RECQL5: variants seen among roughly 807,000 people sequenced by gnomAD.
RECQL5 encodes the protein ATP-dependent DNA helicase Q5.
A neutral mutation model predicts 103.4 loss-of-function variants in RECQL5; 88 were observed. The observed-to-expected ratio is 0.85, with a 90% CI of 0.72 to 1.02. The LOEUF is 1.02. Among genes scored for constraint, RECQL5 ranks in the 50% least tolerant of loss-of-function variants. The pLI, the probability that RECQL5 is intolerant of heterozygous loss-of-function variation, is 0.00. For synonymous variants in RECQL5, 552 were observed against 507.9 expected (o/e 1.09, Z -1.17); for missense variants, 1,232 against 1,284.3 (o/e 0.96, Z 0.62).
At chr17:75,642,978 C>T (rs906381250) in intron 8 of RECQL5, among the ~76,000 whole-genome samples, 4 of 152,218 alleles carry the variant, frequency 2.6e-5, no homozygotes, top group South Asian at 4.1e-4. Context: ...TATCCTCCAT[C>T]GACCAACCCT....
chr17:75,629,355 C>T lies in RECQL5; in HGVS notation c.2068G>A (p.Glu690Lys), dbSNP rs769454042. The change falls in exon 16 of 20, where the codon GAG becomes AAG. Residue 690 changes from glutamate to lysine, a missense_variant. Glu to Lys is a moderately conservative substitution (Grantham distance 56, BLOSUM62 1). Transcript: ENST00000317905. ...EQAPQPERGGEHEPPSRPCGL... is the reference protein window; with the variant it reads ...EQAPQPERGGKHEPPSRPCGL... ...CAGGGCCGGCTCGGGGGCTCGTGCT[C>T]GCCTCCCCGCTCGGGCTGGGGGGCT... The T allele has an allele frequency of 1.2e-5, 18 of 1,513,240 alleles. No individual in the cohort carries two copies. In the East Asian group the frequency reaches 2.5e-4, roughly 21 times the overall value. The allele number at this position is 1,513,240 out of a possible 1,614,324, so 93.7% of individuals were successfully genotyped here.
chr17:75,660,100 T>C (rs1245099388), intron 6 of RECQL5, among the ~76,000 whole-genome samples: 1 of 152,118 alleles, frequency 6.6e-6, no homozygotes, highest in Non-Finnish European at 1.5e-5. Flanking sequence ...AGGGTCCTGG[T>C]CTGTTGCCCA....
chr17:75,645,736 T>C (rs2059481313), intron 8 of RECQL5, among the ~76,000 whole-genome samples: 1 of 152,124 alleles, frequency 6.6e-6, no homozygotes, highest in African/African-American at 2.4e-5. Flanking sequence ...GAACGACTGT[T>C]CTAAATCTGC....
chr17:75,633,862 G>A (rs540396341), intron 8 of RECQL5: 4 of 995,108 alleles, frequency 4.0e-6, no homozygotes, highest in South Asian at 4.3e-5. Context: ...CGTGGGAGTC[G>A]GGGAGAGGGA....
intron 18 of RECQL5, 52 bp downstream of exon 18, chr17:75,628,166 C>A (rs369505055): frequency 3.4e-6 from 5 of 1,460,030 alleles, no homozygotes; most frequent in African/African-American, 1.4e-5. Context: ...ACCCCCACTA[C>A]ACCCACATAC....
At position 75,667,071 on chromosome 17, in the gene RECQL5, T is replaced by C; in HGVS notation, c.-42A>G. The C allele has an allele frequency of 2.7e-6, 1 of 369,800 alleles. No homozygotes were observed. The highest frequency in any genetic ancestry group is 2.8e-5 in the South Asian group (1 of 35,346). 22.9% of individuals were successfully genotyped at this position (369,800 alleles called of 1,614,324 possible). On this transcript the variant is annotated 5_prime_UTR_variant, in exon 1 of 20. Transcript: ENST00000317905. ...GAACCGGCCGTGGTCCGCCCAAGAA[T>C]TAAAGGCTGCTGGCTGGTTCCGGAA... is the stretch of plus-strand genomic sequence containing the variant.
At position 75,658,366 on chromosome 17, in the gene RECQL5, G is replaced by A. The variant is rs1247198793; in HGVS notation, c.1081C>T (p.Leu361Phe). The A allele has an allele frequency of 6.2e-7, 1 of 1,614,042 alleles. No homozygotes were observed. The highest frequency in any genetic ancestry group is 8.5e-7 in the Non-Finnish European group (1 of 1,179,970). Reference sequence around the variant, plus strand: ...TCCCGGTCATTCCTGGAGTAATAGAGACGGCACCAGGAAGGCTTCCCATCC... The same window carrying A: ...TCCCGGTCATTCCTGGAGTAATAGAAACGGCACCAGGAAGGCTTCCCATCC... The part of the protein sequence containing the change: ...GRDGKPSWCR[L>F]YYSRNDRDQV... Residue 361 changes from leucine (L) to phenylalanine (F), a missense_variant, in exon 7 of 20, where the codon CTC becomes TTC. Physicochemically the swap from Leu to Phe is conservative, Grantham distance 22 (BLOSUM62 0). Transcript: ENST00000317905.
In RECQL5 at chr17:75,628,738, G is replaced by A. The variant is rs774494149; in HGVS notation, c.2514C>T (p.Gly838=). The A allele has an allele frequency of 1.9e-6, 3 of 1,592,710 alleles. No individual in the cohort carries two copies. Among genetic ancestry groups the A allele is most frequent in the Non-Finnish European group, 2.6e-6 (3 of 1,174,858 alleles). ...RPSTCPPRDQ[G]TPEVQPTPAK... ...CAGGGGTGGGCTGGACTTCAGGGGT[G>A]CCCTGGTCTCTGGGCGGGCAGGTGC... is the stretch of plus-strand genomic sequence containing the variant. The change falls in exon 17 of 20, where the codon GGC becomes GGT. Residue 838 remains glycine, a synonymous_variant. Coordinates refer to ENST00000317905, the MANE Select transcript of RECQL5 (RefSeq NM_004259.7).
chr17:75,643,471 C>T (rs1335747221), intron 8 of RECQL5, among the ~76,000 whole-genome samples: 3 of 152,232 alleles, frequency 2.0e-5, no homozygotes, highest in African/African-American at 7.2e-5. Context: ...TGCTCCTTGG[C>T]CAACTGGCAC....
intron 4 of RECQL5, 132 bp downstream of exon 4, chr17:75,662,347 T>G (rs780144466): frequency 2.0e-6 from 2 of 1,025,232 alleles, no homozygotes; most frequent in African/African-American, 3.2e-5. Context: ...GAGACAACTC[T>G]TTTTGTGCAC....
At chr17:75,647,931 G>A (rs1011423106) in intron 8 of RECQL5, 3 of 206,474 alleles carry the variant, frequency 1.5e-5, no homozygotes, top group African/African-American at 7.0e-5. Flanking sequence ...CCTTGACAGA[G>A]AAAGACACAA....
intron 13 of RECQL5, 41 bp from the exon 14 acceptor site, chr17:75,630,318 C>G (rs1224746304): frequency 1.3e-6 from 2 of 1,498,100 alleles, no homozygotes; most frequent in East Asian, 4.9e-5. Flanking sequence ...TCAGGTGGGC[C>G]TGGGCTTCTC....
Position 75,654,358 on chromosome 17 carries a change from T to G in RECQL5, c.1150-3093A>C, listed in dbSNP as rs1486574402. Among the ~76,000 whole-genome samples the G allele has an allele frequency of 3.3e-5, 5 of 152,330 alleles. No individual in the cohort carries two copies. The East Asian group carries it at 9.6e-4, about 29-fold the overall frequency. ...CTTCCTGGAGTCTTCTGCCCCCTAG[T>G]GCAATCTGGACCAGTTTTCCCTAGG... On this transcript the variant is annotated intron_variant, in intron 7 of 19. Coordinates refer to ENST00000317905, the MANE Select transcript of RECQL5 (RefSeq NM_004259.7).
At position 75,627,610 on chromosome 17, in the gene RECQL5, T is replaced by C; in HGVS notation, c.2875+13A>G. 1 of 1,613,624 alleles carries C rather than the reference T, an allele frequency of 6.2e-7. No individual in the cohort carries two copies. The highest frequency in any genetic ancestry group is 8.5e-7 in the Non-Finnish European group (1 of 1,179,806). ...CCCAAGTGCCTCCTGGCCCTGGCAA[T>C]GCCAGCGCTCACCGCTCCTTCCAGG... is the stretch of plus-strand genomic sequence containing the variant. On this transcript the variant is annotated intron_variant, in intron 19 of 19. Transcript: ENST00000317905.
chr17:75,656,358 G>T (rs1009282834), intron 7 of RECQL5, among the ~76,000 whole-genome samples: 2 of 152,112 alleles, frequency 1.3e-5, no homozygotes, highest in Admixed American at 1.3e-4. Flanking sequence ...GATTACAGGC[G>T]TGAGCCACCG....
chr17:75,650,177 T>C, intron 8 of RECQL5: 1 of 987,272 alleles, frequency 1.0e-6, no homozygotes, highest in Non-Finnish European at 1.2e-6. Context: ...AAAAGGGCTC[T>C]GGTCGCAAAG....
In RECQL5 at chr17:75,662,887, G is replaced by C. The variant is rs756800993; in HGVS notation, c.363C>G (p.Pro121=). The change falls in exon 4 of 20, where the codon CCC becomes CCG. Residue 121 remains proline, a synonymous_variant. Coordinates refer to ENST00000317905, the MANE Select transcript of RECQL5 (RefSeq NM_004259.7). ...GGGTGATGTACAGAATCTTGGTCTG[G>C]GGCTTTTCTCGCTCCAGGTCAGCAA... The part of the protein sequence containing the change: ...ELLADLEREK[P]QTKILYITPE... 2.5e-6 allele frequency: 4 copies of C among 1,613,992 alleles called. No homozygotes were observed. Among genetic ancestry groups the C allele is most frequent in the Non-Finnish European group, 3.4e-6 (4 of 1,180,046 alleles).
At chr17:75,666,225 A>G (rs2059777807) in intron 2 of RECQL5, among the ~76,000 whole-genome samples, 1 of 152,144 alleles carries the variant, frequency 6.6e-6, no homozygotes, top group Non-Finnish European at 1.5e-5. Flanking sequence ...CAGGATTTGG[A>G]GACCAGCCTG....
At chr17:75,644,515 C>T (rs1318039653) in intron 8 of RECQL5, among the ~76,000 whole-genome samples, 1 of 151,838 alleles carries the variant, frequency 6.6e-6, no homozygotes, top group Non-Finnish European at 1.5e-5. Context: ...GAGGTTGAGG[C>T]AGGAGGACTG....
Sources: gnomAD v4.1 joint callset for allele counts (sites outside exome capture counted in the v4.1 genomes callset) on GRCh38, gnomAD v4.1.1 for gene constraint, MANE v1.5 for transcripts, NCBI Gene and HGNC (gene_info 2026-07-23, HGNC 2026-07-21) for gene names.